Variants in DYNC1H1 observed in about 807,000 individuals in gnomAD.
DYNC1H1 encodes cytoplasmic dynein 1 heavy chain 1.
DYNC1H1 carries 51 observed loss-of-function variants against 527.1 expected under a neutral mutation model. That is an observed-to-expected ratio of 0.10 (90% CI 0.08 to 0.12). DYNC1H1 has a LOEUF of 0.12. DYNC1H1 is among the 10% of genes least tolerant of loss of function. The probability of loss-of-function intolerance (pLI) is 1.00; values close to 1 mark genes in which losing one functional copy is unlikely to be tolerated. For synonymous variants in DYNC1H1, 2,189 were observed against 2,278.8 expected (o/e 0.96, Z 1.12); for missense variants, 2,771 against 5,971.8 (o/e 0.46, Z 17.66).
intron 10 of DYNC1H1, among the ~76,000 whole-genome samples, 195 bp from the exon 11 acceptor site, chr14:101,991,332 C>T (rs963974814): frequency 1.3e-5 from 2 of 152,162 alleles, no homozygotes; most frequent in African/African-American, 4.8e-5. Flanking sequence ...ATTAGCTGGG[C>T]TTGCTGGCGC....
At position 102,015,437 on chromosome 14, in the gene DYNC1H1, C is replaced by A. The variant is rs2048309145; in HGVS notation, c.7242+105C>A. Reference sequence around the variant, plus strand: ...CTGGTCTTGAACTCCTGGGCCCAAGCAATCCACCTGCCTTGGCCTCTCAAA... The same window carrying A: ...CTGGTCTTGAACTCCTGGGCCCAAGAAATCCACCTGCCTTGGCCTCTCAAA... On this transcript the variant is annotated intron_variant, in intron 35 of 77. Coordinates refer to ENST00000360184, the MANE Select transcript of DYNC1H1 (RefSeq NM_001376.5). This position sits in a 1 kb window ranked among gnomAD's most constrained non-coding sequence, Gnocchi z 6.9. 4 of 1,314,812 alleles carry A rather than the reference C, an allele frequency of 3.0e-6. No individual in the cohort carries two copies. Among genetic ancestry groups the A allele is most frequent in the African/African-American group, 2.9e-5 (2 of 68,344 alleles). The allele number at this position is 1,314,812 out of a possible 1,614,324, so 81.4% of individuals were successfully genotyped here. A position where few individuals can be genotyped will look rare whatever the true frequency, so the allele number is the denominator to read the frequency against.
chr14:102,042,470 G>A lies in DYNC1H1; in HGVS notation c.12362G>A (p.Cys4121Tyr). The A allele has an allele frequency of 6.2e-7, 1 of 1,614,136 alleles. No individual in the cohort carries two copies. Among genetic ancestry groups the A allele is most frequent in the Non-Finnish European group, 8.5e-7 (1 of 1,180,034 alleles). Residue 4121 changes from cysteine to tyrosine, a missense_variant, in exon 68 of 78, where the codon TGC becomes TAC. By Grantham distance (194) the Cys-to-Tyr change is radical. Around this residue, in one of 32 missense-constraint regions of DYNC1H1, gnomAD observed 195 missense variants for 428.6 expected, o/e 0.45. Transcript: ENST00000360184. This position sits in a 1 kb window ranked among gnomAD's most constrained non-coding sequence, Gnocchi z 5.7. The part of the protein sequence containing the change: ...KKLHSLQPHA[C>Y]FRLFLTMEIN... ...TTGCATTCCCTGCAGCCGCATGCCT[G>A]CTTCCGACTCTTCCTCACCATGGAG...
rs1232985980 is a variant in DYNC1H1 at position 102,028,063 on chromosome 14, T to C, written c.9390T>C (p.Tyr3130=). ...YIVPDYMPVV[Y]DKLPQPPSHR... ...TGCCTGATTACATGCCAGTTGTGTA[T>C]GATAAGCTGCCGCAGCCACCATCCC... Residue 3130 remains tyrosine, a synonymous_variant, in exon 48 of 78, where the codon TAT becomes TAC. Transcript: ENST00000360184. 3 of 1,614,210 alleles carry C rather than the reference T, an allele frequency of 1.9e-6. No homozygotes were observed. The highest frequency in any genetic ancestry group is 2.5e-6 in the Non-Finnish European group (3 of 1,180,034).
Position 102,018,305 on chromosome 14 carries a change from C to A in DYNC1H1, c.8178-146C>A. On this transcript the variant is annotated intron_variant, in intron 40 of 77. Coordinates refer to ENST00000360184, the MANE Select transcript of DYNC1H1 (RefSeq NM_001376.5). This position sits in a 1 kb window ranked among gnomAD's most constrained non-coding sequence, Gnocchi z 5.2. ...AGCCTGAGCAGCGTGTGTGTGATCT[C>A]AGCTAACACTGATGTCAAGTCTGCA... 2.6e-6 allele frequency: 3 copies of A among 1,147,368 alleles called. No individual in the cohort carries two copies. The highest frequency in any genetic ancestry group is 3.7e-6 in the Non-Finnish European group (3 of 808,966). The allele number at this position is 1,147,368 out of a possible 1,614,324, so 71.1% of individuals were successfully genotyped here.
intron 5 of DYNC1H1, among the ~76,000 whole-genome samples, chr14:101,982,507 G>A (rs565361148): frequency 3.3e-5 from 5 of 152,060 alleles, no homozygotes; most frequent in East Asian, 1.9e-4. Context: ...CAGGAGAATC[G>A]CTTGAACCTG....
At position 102,015,299 on chromosome 14, in the gene DYNC1H1, T is replaced by A. The variant is rs2048307376; in HGVS notation, c.7209T>A (p.Asp2403Glu). ...EAQRRRKGKE[D>E]EGEEAASPML... The stretch of plus-strand genomic sequence containing the variant: ...AGCGGCGGCGTAAGGGCAAAGAGGA[T>A]GAGGGGGAGGAGGCCGCTTCCCCCA... The change falls in exon 35 of 78, where the codon GAT becomes GAA. Residue 2403 changes from aspartate (D) to glutamate (E), a missense_variant. Transcript: ENST00000360184. This position sits in a 1 kb window ranked among gnomAD's most constrained non-coding sequence, Gnocchi z 6.9. The A allele has an allele frequency of 6.2e-7, 1 of 1,613,966 alleles. No homozygotes were observed.
In DYNC1H1 at chr14:102,049,676, C is replaced by G; in HGVS notation, c.13516-38C>G. 6.2e-7 allele frequency: 1 copy of G among 1,613,788 alleles called. No homozygotes were observed. Among genetic ancestry groups the G allele is most frequent in the Admixed American group, 1.7e-5 (1 of 60,022 alleles). ...GGAAAAACACAGGGCCCAGGTCTGACCTGAGCTCCTTCCCCTGGGGGCTGC... is the reference window on the plus strand; with the variant it reads ...GGAAAAACACAGGGCCCAGGTCTGAGCTGAGCTCCTTCCCCTGGGGGCTGC... On this transcript the variant is annotated intron_variant, in intron 75 of 77. Coordinates refer to ENST00000360184, the MANE Select transcript of DYNC1H1 (RefSeq NM_001376.5). This position sits in a 1 kb window ranked among gnomAD's most constrained non-coding sequence, Gnocchi z 5.5.
At chr14:102,026,394 A>T (rs1023418950) in intron 43 of DYNC1H1, among the ~76,000 whole-genome samples, 180 bp from the exon 44 acceptor site, 3 of 152,092 alleles carry the variant, frequency 2.0e-5, no homozygotes, top group African/African-American at 7.2e-5. Flanking sequence ...TCTCTATAAA[A>T]GTTTTTCATG....
intron 72 of DYNC1H1, among the ~76,000 whole-genome samples, chr14:102,047,285 C>T (rs2048731987): frequency 6.6e-6 from 1 of 152,122 alleles, no homozygotes; most frequent in Non-Finnish European, 1.5e-5. Context: ...GTAATCCCAG[C>T]ACTTTGGGAG....
At chr14:101,992,368 CTGTCCAGCTAATCAGAACCAAGCTA>C (rs1401218658) in intron 11 of DYNC1H1, among the ~76,000 whole-genome samples, 1 of 152,212 alleles carries the variant, frequency 6.6e-6, no homozygotes, top group Non-Finnish European at 1.5e-5. Context: ...ATGCTGGGCA[CTGTCCAGCTAATCAGAACCAAGCTA>C]TGGATATTGG....
In DYNC1H1 at chr14:101,965,860, A is replaced by G. The variant is rs1409282866; in HGVS notation, c.256+913A>G. On this transcript the variant is annotated intron_variant, in intron 1 of 77. Coordinates refer to ENST00000360184, the MANE Select transcript of DYNC1H1 (RefSeq NM_001376.5). The surrounding 1 kb of genome is among the most constrained non-coding windows in gnomAD (Gnocchi z 4.1). ...TCAGGTTAGGCACCTAGTAGGGGGA[A>G]GAGGCTAGAGTTAGCGTGTTCCAGC... Among the ~76,000 whole-genome samples, 1 of 151,794 alleles carries G rather than the reference A, an allele frequency of 6.6e-6. No individual in the cohort carries two copies. Among genetic ancestry groups the G allele is most frequent in the Non-Finnish European group, 1.5e-5 (1 of 68,006 alleles).
At position 102,034,002 on chromosome 14, in the gene DYNC1H1, G is replaced by A. The variant is rs138887857; in HGVS notation, c.10440G>A (p.Lys3480=). Residue 3480 remains lysine (K), a synonymous_variant, in exon 55 of 78, where the codon AAG becomes AAA. Coordinates refer to ENST00000360184, the MANE Select transcript of DYNC1H1 (RefSeq NM_001376.5). ...TAAACCGGAGCACTGCTCTTCTGAAGAGCTTGTCTGCTGAACGTGAACGAT... is the reference window on the plus strand; with the variant it reads ...TAAACCGGAGCACTGCTCTTCTGAAAAGCTTGTCTGCTGAACGTGAACGAT... ...AKVNRSTALL[K]SLSAERERWE... is the part of the protein sequence containing the mutation. 157 of 1,614,006 alleles carry A rather than the reference G, an allele frequency of 9.7e-5. 1 individual carries two copies. The African/African-American group carries it at 1.7e-3, about 18-fold the overall frequency.
intron 51 of DYNC1H1, among the ~76,000 whole-genome samples, chr14:102,031,518 C>T (rs2048510272): frequency 6.6e-6 from 1 of 152,214 alleles, no homozygotes. Flanking sequence ...GTGTGAGCCA[C>T]TGTGCCTGGC....
At position 101,986,835 on chromosome 14, in the gene DYNC1H1, A is replaced by G. The variant is rs1042794423; in HGVS notation, c.2538+72A>G. The G allele has an allele frequency of 4.8e-5, 75 of 1,555,528 alleles. No individual in the cohort carries two copies. The highest frequency in any genetic ancestry group is 3.5e-4 in the Admixed American group (21 of 59,906). ...CAGTAATAGCGAGCTCAGTTAAAAC[A>G]CTAGTTCTCCCGAAGAAGGCATGCA... On this transcript the variant is annotated intron_variant, in intron 8 of 77. Coordinates refer to ENST00000360184, the MANE Select transcript of DYNC1H1 (RefSeq NM_001376.5). The surrounding 1 kb of genome is among the most constrained non-coding windows in gnomAD (Gnocchi z 8.7).
chr14:102,008,131 G>A (rs547054547), intron 28 of DYNC1H1, 47 bp from the exon 29 acceptor site: 2 of 1,610,780 alleles, frequency 1.2e-6, no homozygotes, highest in African/African-American at 1.3e-5. Context: ...GGAGACAATT[G>A]AGGGCACAGC....
chr14:102,036,437 G>A lies in DYNC1H1; in HGVS notation c.10755-52G>A, dbSNP rs2048576404. 6.2e-7 allele frequency: 1 copy of A among 1,609,914 alleles called. No individual in the cohort carries two copies. The highest frequency in any genetic ancestry group is 1.7e-5 in the Admixed American group (1 of 59,962). ...CAGGGACTCGGCTAACCGTGATCCT[G>A]TGCTTTCCCCATTCGGTGTTTCAAC... On this transcript the variant is annotated intron_variant, in intron 56 of 77. Transcript: ENST00000360184. This position sits in a 1 kb window ranked among gnomAD's most constrained non-coding sequence, Gnocchi z 5.6.
intron 5 of DYNC1H1, among the ~76,000 whole-genome samples, chr14:101,982,225 A>G (rs2047875851): frequency 6.6e-6 from 1 of 152,170 alleles, no homozygotes; most frequent in South Asian, 2.1e-4. Context: ...TCACCCTCAG[A>G]TGGGACCTCC....
Position 102,040,341 on chromosome 14 carries a change from G to A in DYNC1H1, c.11796G>A (p.Ala3932=), listed in dbSNP as rs546925321. 34 of 1,614,196 alleles carry A rather than the reference G, an allele frequency of 2.1e-5. No homozygotes were observed. Among genetic ancestry groups the A allele is most frequent in the Non-Finnish European group, 2.5e-5 (29 of 1,180,040 alleles). ...TCCAGGGCCTGACTGTGGAGCAGGCGGAGGCGGTGGTGAGGCTGAGCTGCC... is the reference window on the plus strand; with the variant it reads ...TCCAGGGCCTGACTGTGGAGCAGGCAGAGGCGGTGGTGAGGCTGAGCTGCC... ...PRIQGLTVEQ[A]EAVVRLSCLP... Residue 3932 remains alanine (A), a synonymous_variant, in exon 63 of 78, where the codon GCG becomes GCA. Transcript: ENST00000360184.
intron 15 of DYNC1H1, 114 bp downstream of exon 15, chr14:101,995,414 A>G (rs2048048259): frequency 3.1e-6 from 4 of 1,310,226 alleles, no homozygotes; most frequent in Non-Finnish European, 1.1e-6. Flanking sequence ...GATCGAGACC[A>G]TCCTGGCTAA....
Sources: allele counts gnomAD v4.1 joint callset (sites outside exome capture counted in the v4.1 genomes callset), GRCh38; gene constraint gnomAD v4.1.1; regional missense constraint gnomAD v4.1.1; non-coding constraint Gnocchi (gnomAD v3.1); transcripts MANE v1.5; gene names NCBI Gene and HGNC (gene_info 2026-07-23, HGNC 2026-07-21).